Variants in LDLRAD4 observed in about 807,000 individuals in gnomAD.
LDLRAD4 encodes the protein low-density lipoprotein receptor class A domain-containing protein 4.
In LDLRAD4, 5 loss-of-function variants were observed where a neutral mutation model predicts 17.0. The ratio of observed to expected loss-of-function variants is 0.29; its 90% confidence interval spans 0.15 to 0.62. The LOEUF (loss-of-function observed/expected upper bound fraction) is 0.62. Ranked by LOEUF, LDLRAD4 falls within the 20% of genes least tolerant of loss-of-function variation. The pLI is 0.84. For synonymous variants in LDLRAD4, 168 were observed against 171.8 expected (o/e 0.98, Z 0.17); for missense variants, 340 against 424.7 (o/e 0.80, Z 1.75).
At chr18:13,642,871 G>A (rs1484398439) in intron 4 of LDLRAD4, 4 of 530,826 alleles carry the variant, frequency 7.5e-6, no homozygotes, top group Non-Finnish European at 1.2e-5. Context: ...GAAAAGGGAC[G>A]GGCTCTTTCT....
intron 3 of LDLRAD4, among the ~76,000 whole-genome samples, chr18:13,575,848 T>C (rs945643570): frequency 1.3e-5 from 2 of 152,242 alleles, no homozygotes; most frequent in African/African-American, 4.8e-5. Context: ...TTTTCCTATA[T>C]TTGTTGGCCA....
chr18:13,500,606 C>A (rs1245431910), intron 3 of LDLRAD4: 1 of 152,222 alleles, frequency 6.6e-6, no homozygotes, highest in Admixed American at 6.5e-5. Flanking sequence ...GTTCTGCATT[C>A]AGTTCCTGAC....
intron 1 of LDLRAD4, among the ~76,000 whole-genome samples, chr18:13,289,867 C>T (rs2045864692): frequency 6.6e-6 from 1 of 152,150 alleles, no homozygotes; most frequent in Non-Finnish European, 1.5e-5. Context: ...AAGAATAATC[C>T]CATCATATCT....
chr18:13,419,848 A>G (rs2089283361), intron 2 of LDLRAD4: 1 of 152,200 alleles, frequency 6.6e-6, no homozygotes, highest in Non-Finnish European at 1.5e-5. Flanking sequence ...TCACGTGCAC[A>G]TGTTCACACA....
At chr18:13,478,899 A>G (rs535672776) in intron 3 of LDLRAD4, among the ~76,000 whole-genome samples, 1 of 152,372 alleles carries the variant, frequency 6.6e-6, no homozygotes, top group South Asian at 2.1e-4. Flanking sequence ...ACAGGCATCA[A>G]GATAGGTTGG....
At chr18:13,549,580 GTGTC>G (rs2094409146) in intron 3 of LDLRAD4, among the ~76,000 whole-genome samples, 1 of 151,882 alleles carries the variant, frequency 6.6e-6, no homozygotes, top group Admixed American at 6.6e-5. Flanking sequence ...CTGAATCTGA[GTGTC>G]TGAGCTGTGA....
At chr18:13,291,573 T>C (rs1305903870) in intron 1 of LDLRAD4, among the ~76,000 whole-genome samples, 1 of 152,114 alleles carries the variant, frequency 6.6e-6, no homozygotes, top group Admixed American at 6.5e-5. Flanking sequence ...CAGGCACAGC[T>C]CTTCCTTCGC....
chr18:13,311,614 T>C (rs2047238832), intron 1 of LDLRAD4, among the ~76,000 whole-genome samples: 4 of 152,184 alleles, frequency 2.6e-5, no homozygotes, highest in Admixed American at 6.5e-5. Flanking sequence ...TGCTAAAGCA[T>C]TGGGCATTGT....
At chr18:13,585,650 T>A (rs1199180189) in intron 3 of LDLRAD4, among the ~76,000 whole-genome samples, 1 of 152,182 alleles carries the variant, frequency 6.6e-6, no homozygotes. Flanking sequence ...ATTAAAGCAT[T>A]TAATTTTAGT....
At chr18:13,227,991 A>G (rs2145451446) in intron 1 of LDLRAD4, among the ~76,000 whole-genome samples, 1 of 152,348 alleles carries the variant, frequency 6.6e-6, no homozygotes, top group African/African-American at 2.4e-5. Context: ...GAGCCCAGGT[A>G]CTGCAGGTGC....
intron 2 of LDLRAD4, among the ~76,000 whole-genome samples, chr18:13,393,631 C>T (rs961565754): frequency 2.6e-5 from 4 of 152,174 alleles, no homozygotes; most frequent in African/African-American, 9.7e-5. Context: ...GAGACCGTCT[C>T]CCTGCCTCCG....
chr18:13,548,233 C>T (rs2094391877), intron 3 of LDLRAD4, among the ~76,000 whole-genome samples: 1 of 152,176 alleles, frequency 6.6e-6, no homozygotes, highest in Admixed American at 6.5e-5. Context: ...CCATAGGCAG[C>T]CATTGGCAGG....
intron 3 of LDLRAD4, among the ~76,000 whole-genome samples, chr18:13,608,314 G>A (rs9954309): frequency 3.9e-5 from 6 of 151,962 alleles, no homozygotes; most frequent in East Asian, 1.9e-4. Context: ...TGAAGCACCC[G>A]CGGTGGGGCA....
chr18:13,620,343 T>G (rs2040507891), intron 3 of LDLRAD4, among the ~76,000 whole-genome samples: 1 of 152,208 alleles, frequency 6.6e-6, no homozygotes, highest in South Asian at 2.1e-4. Context: ...CCGAGCCCCT[T>G]GCTCTGAATT....
At chr18:13,289,237 TAA>T (rs2045829197) in intron 1 of LDLRAD4, among the ~76,000 whole-genome samples, 4 of 152,240 alleles carry the variant, frequency 2.6e-5, no homozygotes, top group African/African-American at 7.2e-5. Flanking sequence ...CCAGCACGCA[TAA>T]TGGTTTAGTT....
intron 1 of LDLRAD4, among the ~76,000 whole-genome samples, chr18:13,268,068 T>A (rs561200931): frequency 1.3e-5 from 2 of 152,200 alleles, no homozygotes; most frequent in Admixed American, 6.5e-5. Context: ...TCTTGTACTT[T>A]CCAAGATGTG....
In LDLRAD4 at chr18:13,510,223, G is replaced by C. The variant is rs2093756167; in HGVS notation, c.181+71839G>C. Among the ~76,000 whole-genome samples the C allele has an allele frequency of 3.3e-5, 5 of 152,318 alleles. No individual in the cohort carries two copies. The South Asian group carries it at 8.3e-4, about 25-fold the overall frequency. On this transcript the variant is annotated intron_variant, in intron 3 of 5. Coordinates refer to ENST00000359446, the Ensembl canonical transcript of LDLRAD4. ...TGTTTTTGTATCTGAACTGCGTAAA[G>C]TGGGGATAGCCTCTCCGTGGTTAGA... is the stretch of plus-strand genomic sequence containing the variant.
chr18:13,322,743 C>T (rs1055000717), intron 1 of LDLRAD4, among the ~76,000 whole-genome samples: 1 of 152,026 alleles, frequency 6.6e-6, no homozygotes, highest in Non-Finnish European at 1.5e-5. Flanking sequence ...TCAGCCTCCC[C>T]AGTAGCTGGG....
intron 3 of LDLRAD4, among the ~76,000 whole-genome samples, chr18:13,606,539 G>A (rs917847029): frequency 2.0e-5 from 3 of 152,170 alleles, no homozygotes; most frequent in African/African-American, 4.8e-5. Flanking sequence ...GGGAGCACAC[G>A]CAGAGCATTT....
Sources: gnomAD v4.1 joint callset for allele counts (sites outside exome capture counted in the v4.1 genomes callset) on GRCh38, gnomAD v4.1.1 for gene constraint, MANE v1.5 for transcripts, NCBI Gene and HGNC (gene_info 2026-07-23, HGNC 2026-07-21) for gene names.